The following PKHD1 variants were observed in gnomAD, a reference collection of about 807,000 sequenced individuals.
The protein encoded by PKHD1 is fibrocystin.
PKHD1 carries 291 observed loss-of-function variants against 412.0 expected under a neutral mutation model. The observed-to-expected ratio is 0.71, with a 90% confidence interval of 0.64 to 0.78. PKHD1 has a LOEUF of 0.78. Among genes scored for constraint, PKHD1 ranks in the 30% least tolerant of loss-of-function variants. The probability of loss-of-function intolerance (pLI) is 0.00; values close to 1 mark genes in which losing one functional copy is unlikely to be tolerated. For missense variants in PKHD1, 4,825 were observed against 4,950.7 expected, an observed-to-expected ratio of 0.97 and a Z score of 0.76; for synonymous variants, 1,777 against 1,821.5, an observed-to-expected ratio of 0.98 and a Z score of 0.62.
chr6:52,075,221 ATAATT>A (rs1269710932), intron 6 of PKHD1, among the ~76,000 whole-genome samples: 1 of 152,264 alleles, frequency 6.6e-6, no homozygotes, highest in African/African-American at 2.4e-5. Flanking sequence ...TCTCTGAAAT[ATAATT>A]TAAATTCACT....
chr6:51,699,313 C>T (rs146597193), intron 60 of PKHD1, among the ~76,000 whole-genome samples: 3 of 152,240 alleles, frequency 2.0e-5, no homozygotes, highest in East Asian at 1.9e-4. Context: ...TTTTCCAGAA[C>T]GCTACGCAGT....
intron 43 of PKHD1, among the ~76,000 whole-genome samples, chr6:51,895,594 GT>G (rs1286509722): frequency 2.0e-5 from 3 of 152,048 alleles, no homozygotes; most frequent in Non-Finnish European, 4.4e-5. Context: ...CAACTACCAT[GT>G]TTTAGAAATT....
At chr6:51,783,882 G>T (rs1195179947) in intron 53 of PKHD1, among the ~76,000 whole-genome samples, 1 of 151,912 alleles carries the variant, frequency 6.6e-6, no homozygotes, top group African/African-American at 2.4e-5. Flanking sequence ...TAAATATATT[G>T]TAGTCATTTA....
intron 55 of PKHD1, among the ~76,000 whole-genome samples, chr6:51,762,005 C>G (rs1788097941): frequency 6.6e-6 from 1 of 152,006 alleles, no homozygotes; most frequent in Admixed American, 6.6e-5. Flanking sequence ...CATCAGGAGT[C>G]ATGTCACTTC....
rs748780860 is a variant in PKHD1, at chr6:52,054,038, C to G, written c.1964G>C (p.Ser655Thr). 1 of 1,613,882 alleles carries G rather than the reference C, an allele frequency of 6.2e-7. No homozygotes were observed. Among genetic ancestry groups the G allele is most frequent in the Non-Finnish European group, 8.5e-7 (1 of 1,179,826 alleles). The stretch of plus-strand genomic sequence containing the variant: ...CCACGCCTCCCCACCGATTAGCTAC[C>G]TCTCGGGGCTGGTCCTCGTGAGACT... ...DWSLTRTSPE[S>T]WQFDCTDLWE... Residue 655 changes from serine (S) to threonine (T), a missense_variant and splice_region_variant, in exon 20 of 67, where the codon AGC (serine) becomes ACC (threonine). Physicochemically the swap from Ser to Thr is moderately conservative, Grantham distance 58. Transcript: ENST00000371117.
intron 52 of PKHD1, among the ~76,000 whole-genome samples, chr6:51,801,654 T>TGTGTGTGTGTGTGTGTGTGTGTGAGA (rs751203950): frequency 0.012 from 1,416 of 114,018 alleles, 37 homozygotes; most frequent in African/African-American, 0.045. Flanking sequence ...TGTGTGTGTG[T>TGTGTGTGTGTGTGTGTGTGTGTGAGA]GAGAGAGAGA....
At chr6:51,818,690 T>C (rs1211937287) in intron 52 of PKHD1, among the ~76,000 whole-genome samples, 1 of 152,198 alleles carries the variant, frequency 6.6e-6, no homozygotes, top group Non-Finnish European at 1.5e-5. Context: ...CAGCTTCCTT[T>C]CCAGGTAGAA....
chr6:51,639,292 T>G (rs1769020236), intron 63 of PKHD1, among the ~76,000 whole-genome samples: 1 of 152,174 alleles, frequency 6.6e-6, no homozygotes, highest in Admixed American at 6.6e-5. Flanking sequence ...TATGTGGTAC[T>G]GGGGTTACAG....
At chr6:52,020,492 T>A (rs1801237501) in intron 33 of PKHD1, among the ~76,000 whole-genome samples, 1 of 152,206 alleles carries the variant, frequency 6.6e-6, no homozygotes, top group Admixed American at 6.5e-5. Context: ...GATACTAAAA[T>A]GTTTACTTGG....
chr6:51,692,631 C>T (rs1165100876), intron 60 of PKHD1, among the ~76,000 whole-genome samples: 2 of 152,228 alleles, frequency 1.3e-5, no homozygotes, highest in Non-Finnish European at 1.5e-5. Context: ...CCATTTTTTT[C>T]CCATTTCTTA....
chr6:51,874,535 A>C (rs1191943823), intron 46 of PKHD1, among the ~76,000 whole-genome samples: 1 of 152,216 alleles, frequency 6.6e-6, no homozygotes, highest in African/African-American at 2.4e-5. Flanking sequence ...GTTCTTCCAG[A>C]AAGTAATGTT....
chr6:52,062,423 C>G, intron 14 of PKHD1, 96 bp downstream of exon 14: 2 of 1,274,224 alleles, frequency 1.6e-6, no homozygotes, highest in Non-Finnish European at 2.3e-6. Context: ...GTTATAAATT[C>G]CTGGAAATCT....
In PKHD1 at chr6:51,798,377, C is replaced by CAA. The variant is rs139529771; in HGVS notation, c.8303-7006_8303-7005dup. Among the ~76,000 whole-genome samples, 246 of 151,236 alleles carry CAA rather than the reference C, an allele frequency of 1.6e-3. 2 individuals are homozygous for CAA. In the Middle Eastern group the frequency reaches 0.017, roughly 10 times the overall value. On this transcript the variant is annotated intron_variant, in intron 52 of 66. Coordinates refer to ENST00000371117, the MANE Select transcript of PKHD1 (RefSeq NM_138694.4). Reference sequence around the variant, plus strand: ...TGGGGTACAGAGGAAGACTCCATCTCAAAAAAAATAAGAAAGAAAGAAAAA... The same window carrying CAA: ...TGGGGTACAGAGGAAGACTCCATCTCAAAAAAAAAATAAGAAAGAAAGAAAAA...
intron 60 of PKHD1, among the ~76,000 whole-genome samples, chr6:51,688,369 A>G (rs1355284083): frequency 6.6e-6 from 1 of 152,120 alleles, no homozygotes; most frequent in Non-Finnish European, 1.5e-5. Context: ...GTCACCATCA[A>G]AAACTTAGAA....
At chr6:51,819,806 G>C (rs1019719038) in intron 52 of PKHD1, among the ~76,000 whole-genome samples, 3 of 152,134 alleles carry the variant, frequency 2.0e-5, no homozygotes, top group Non-Finnish European at 4.4e-5. Context: ...TTGGCTTTGC[G>C]AGGGGTTTTA....
chr6:51,982,626 G>A (rs1338356761), intron 35 of PKHD1, among the ~76,000 whole-genome samples: 107 of 148,486 alleles, frequency 7.2e-4, no homozygotes, highest in Admixed American at 1.0e-3. Context: ...CTCGTCAAGA[G>A]TCATCACCAC....
intron 31 of PKHD1, among the ~76,000 whole-genome samples, chr6:52,026,728 G>GTGA (rs1203650615): frequency 2.0e-5 from 3 of 151,518 alleles, no homozygotes; most frequent in Non-Finnish European, 4.4e-5. Context: ...TTCCATATAC[G>GTGA]TGAGAGACAT....
Position 52,028,140 on chromosome 6 carries a change from C to T in PKHD1, c.3560+16G>A, listed in dbSNP as rs1047694273. The T allele has an allele frequency of 6.2e-7, 1 of 1,610,460 alleles. No homozygotes were observed. Reference sequence around the variant, plus strand: ...CCATCAAACAAATCCAAAATTAATGCAAGTGGTCACCTCACCCTTGTGAGT... The same window carrying T: ...CCATCAAACAAATCCAAAATTAATGTAAGTGGTCACCTCACCCTTGTGAGT... On this transcript the variant is annotated intron_variant, in intron 30 of 66. Transcript: ENST00000371117.
chr6:52,055,594 T>A lies in PKHD1; in HGVS notation c.1829A>T (p.Tyr610Phe). 1 of 1,613,988 alleles carries A rather than the reference T, an allele frequency of 6.2e-7. No homozygotes were observed. ...AAQKGYRLDQ[Y>F]THLCLAYKGH... is the part of the protein sequence containing the mutation. ...ACAAAGACTGCTACTCACGTGTGTA[T>A]ACTGATCTAGCCGATAGCCCTTCTG... is the stretch of plus-strand genomic sequence containing the variant. Residue 610 changes from tyrosine to phenylalanine, a missense_variant, in exon 19 of 67, where the codon TAT becomes TTT. Tyr to Phe is a conservative substitution (Grantham distance 22, BLOSUM62 3). Coordinates refer to ENST00000371117, the MANE Select transcript of PKHD1 (RefSeq NM_138694.4).
Sources: allele counts gnomAD v4.1 joint callset (sites outside exome capture counted in the v4.1 genomes callset), GRCh38; gene constraint gnomAD v4.1.1; transcripts MANE v1.5; gene names NCBI Gene and HGNC (gene_info 2026-07-23, HGNC 2026-07-21).